Variants in RAET1E observed in about 807,000 individuals in gnomAD.
The protein encoded by RAET1E is retinoic acid early transcript 1E.
Under a neutral mutation model 21.1 loss-of-function variants are expected in RAET1E, and 27 were observed. The ratio of observed to expected loss-of-function variants is 1.28; its 90% confidence interval spans 0.94 to 1.76. The LOEUF (loss-of-function observed/expected upper bound fraction) is 1.76. RAET1E is among the 40% of genes most tolerant of loss of function. The pLI, the probability that RAET1E is intolerant of heterozygous loss-of-function variation, is 0.00. For synonymous variants in RAET1E, 113 were observed against 115.0 expected (o/e 0.98, Z 0.11); for missense variants, 310 against 311.3 (o/e 1.00, Z 0.03).
rs1777581501 is a variant in RAET1E at position 149,885,775 on chromosome 6, T to A, written c.*2723A>T. On this transcript the variant is annotated 3_prime_UTR_variant, in exon 6 of 6. Transcript: ENST00000357183. ...AGCTCCATACCCAGGAGATGACCCTTACCTCCGCTGCCACTCAAGTCCTCA... is the reference window on the plus strand; with the variant it reads ...AGCTCCATACCCAGGAGATGACCCTAACCTCCGCTGCCACTCAAGTCCTCA... The A allele has an allele frequency of 6.6e-6, 1 of 152,358 alleles. No individual in the cohort carries two copies. Among genetic ancestry groups the A allele is most frequent in the Middle Eastern group, 3.4e-3 (1 of 294 alleles). The allele number at this position is 152,358 out of a possible 1,614,324, so 9.4% of individuals were successfully genotyped here.
At position 149,888,670 on chromosome 6, in the gene RAET1E, A is replaced by C. The variant is rs772038758; in HGVS notation, c.623-3T>G. ...ATCTGAAGCATTTACTGGTGACACTAAAAAAAAAAAAAAAAAGAAAAAAAA... is the reference window on the plus strand; with the variant it reads ...ATCTGAAGCATTTACTGGTGACACTCAAAAAAAAAAAAAAAAGAAAAAAAA... On this transcript the variant is annotated splice_region_variant and splice_polypyrimidine_tract_variant and intron_variant, in intron 5 of 5. Coordinates refer to ENST00000357183, the MANE Select transcript of RAET1E (RefSeq NM_001394057.1). 71 of 290,544 alleles carry C rather than the reference A, an allele frequency of 2.4e-4. No homozygotes were observed. The highest frequency in any genetic ancestry group is 2.0e-3 in the Middle Eastern group (2 of 978). The allele number at this position is 290,544 out of a possible 1,614,324, so 18.0% of individuals were successfully genotyped here.
chr6:149,897,855 G>A (rs1356716262), intron 1 of RAET1E, among the ~76,000 whole-genome samples, 166 bp downstream of exon 1: 1 of 151,834 alleles, frequency 6.6e-6, no homozygotes, highest in Non-Finnish European at 1.5e-5. Flanking sequence ...CTTATCCAGC[G>A]TCCCCGCCGC....
rs1187180227 is a variant in RAET1E at position 149,888,263 on chromosome 6, C to T, written c.*235G>A. 2.6e-5 allele frequency: 18 copies of T among 705,770 alleles called. No individual in the cohort carries two copies. Among genetic ancestry groups the T allele is most frequent in the Non-Finnish European group, 4.4e-5 (17 of 389,012 alleles). The allele number at this position is 705,770 out of a possible 1,614,324, so 43.7% of individuals were successfully genotyped here. A position where few individuals can be genotyped will look rare whatever the true frequency, so the allele number is the denominator to read the frequency against. Reference sequence around the variant, plus strand: ...GTCAAAGAGCTGGATGAAACCTGGGCCGGATGGCAAGGAGACAACACCCCA... The same window carrying T: ...GTCAAAGAGCTGGATGAAACCTGGGTCGGATGGCAAGGAGACAACACCCCA... On this transcript the variant is annotated 3_prime_UTR_variant, in exon 6 of 6. Coordinates refer to ENST00000357183, the MANE Select transcript of RAET1E (RefSeq NM_001394057.1).
In RAET1E at chr6:149,884,646, A is replaced by G. The variant is rs954181302; in HGVS notation, c.*3852T>C. 1.4e-6 allele frequency: 1 copy of G among 717,272 alleles called. No homozygotes were observed. The highest frequency in any genetic ancestry group is 2.1e-5 in the Admixed American group (1 of 46,648). 44.4% of individuals were successfully genotyped at this position (717,272 alleles called of 1,614,324 possible). ...ATTGTTCACATTCTGCCTCTCTGTC[A>G]TCTAGTTTATGATTGTTCACTTTCC... On this transcript the variant is annotated 3_prime_UTR_variant, in exon 6 of 6. Coordinates refer to ENST00000357183, the MANE Select transcript of RAET1E (RefSeq NM_001394057.1).
chr6:149,897,254 C>T (rs1183232823), intron 1 of RAET1E, among the ~76,000 whole-genome samples: 1 of 151,960 alleles, frequency 6.6e-6, no homozygotes, highest in Non-Finnish European at 1.5e-5. Flanking sequence ...AGGCTGATCT[C>T]GAACTCCTGG....
rs988632237 is a variant in RAET1E at position 149,887,756 on chromosome 6, T to C, written c.*742A>G. On this transcript the variant is annotated 3_prime_UTR_variant, in exon 6 of 6. Transcript: ENST00000357183. ...ACTTAACTTTTCCAAATTGCTGTAC[T>C]TGAAAATGTTGAGGTCTGCCTGGGT... 1.3e-5 allele frequency among the ~76,000 whole-genome samples: 2 copies of C among 152,116 alleles called. No homozygotes were observed. The highest frequency in any genetic ancestry group is 2.9e-5 in the Non-Finnish European group (2 of 68,014).
chr6:149,893,424 G>A (rs1005623193), intron 2 of RAET1E, among the ~76,000 whole-genome samples: 1 of 152,108 alleles, frequency 6.6e-6, no homozygotes, highest in African/African-American at 2.4e-5. Flanking sequence ...TACATCCCTT[G>A]TAAGTTGTAT....
chr6:149,889,569 G>C lies in RAET1E; in HGVS notation c.401C>G (p.Thr134Ser), dbSNP rs1167059528. The change falls in exon 5 of 6, where the codon ACT becomes AGT. Residue 134 changes from threonine to serine, a missense_variant. Thr to Ser is a moderately conservative substitution (Grantham distance 58, BLOSUM62 1). Coordinates refer to ENST00000357183, the MANE Select transcript of RAET1E (RefSeq NM_001394057.1). ...MFCQREAERC[T>S]GASWQFATNG... ...GGTGGCGAACTGCCAGGATGCACCAGTGCACCGTTCTGCTTCACGTTGACA... is the reference window on the plus strand; with the variant it reads ...GGTGGCGAACTGCCAGGATGCACCACTGCACCGTTCTGCTTCACGTTGACA... 1.2e-5 allele frequency: 20 copies of C among 1,614,100 alleles called. No homozygotes were observed. Among genetic ancestry groups the C allele is most frequent in the Non-Finnish European group, 1.6e-5 (19 of 1,180,056 alleles).
rs1248352550 is a variant in RAET1E at position 149,887,513 on chromosome 6, G to T, written c.*985C>A. 6.6e-6 allele frequency among the ~76,000 whole-genome samples: 1 copy of T among 152,182 alleles called. No individual in the cohort carries two copies. The highest frequency in any genetic ancestry group is 1.5e-5 in the Non-Finnish European group (1 of 68,036). ...CAAGCCTGTTGTGACACCGATCTTG[G>T]CAAACTCACTTTTCATGTCAGGGCC... On this transcript the variant is annotated 3_prime_UTR_variant, in exon 6 of 6. Coordinates refer to ENST00000357183, the MANE Select transcript of RAET1E (RefSeq NM_001394057.1).
Position 149,888,279 on chromosome 6 carries a change from C to A in RAET1E, c.*219G>T, listed in dbSNP as rs1449240977. ...AAACCTGGGCCGGATGGCAAGGAGA[C>A]AACACCCCAGGCAGGCGTTCCAGAT... On this transcript the variant is annotated 3_prime_UTR_variant, in exon 6 of 6. Transcript: ENST00000357183. 4 of 719,472 alleles carry A rather than the reference C, an allele frequency of 5.6e-6. No homozygotes were observed. The highest frequency in any genetic ancestry group is 2.0e-5 in the Admixed American group (1 of 50,182). The allele number at this position is 719,472 out of a possible 1,614,324, so 44.6% of individuals were successfully genotyped here.
rs1352118931 is a variant in RAET1E at position 149,886,930 on chromosome 6, T to G, written c.*1568A>C. Among the ~76,000 whole-genome samples the G allele has an allele frequency of 6.6e-6, 1 of 152,158 alleles. No individual in the cohort carries two copies. The highest frequency in any genetic ancestry group is 1.9e-4 in the East Asian group (1 of 5,180). On this transcript the variant is annotated 3_prime_UTR_variant, in exon 6 of 6. Transcript: ENST00000357183. Reference sequence around the variant, plus strand: ...GCTGCTCTTCCCCGTGACAGAGAAATCCATGCGACACAGTGGGGAGGCCCT... The same window carrying G: ...GCTGCTCTTCCCCGTGACAGAGAAAGCCATGCGACACAGTGGGGAGGCCCT...
chr6:149,897,625 C>T (rs76378939), intron 1 of RAET1E, among the ~76,000 whole-genome samples: 1,815 of 152,202 alleles, frequency 0.012, 35 homozygotes, highest in African/African-American at 0.04. Flanking sequence ...CCCGGCAGAG[C>T]GAGGCTGTGG....
chr6:149,891,535 A>G (rs1350589247), intron 2 of RAET1E, among the ~76,000 whole-genome samples: 1 of 151,092 alleles, frequency 6.6e-6, no homozygotes, highest in Non-Finnish European at 1.5e-5. Context: ...GAGTCACTCA[A>G]TAAACACAGA....
At chr6:149,896,204 G>C (rs938737312) in intron 1 of RAET1E, 172 bp from the exon 2 acceptor site, 13 of 152,222 alleles carry the variant, frequency 8.5e-5, no homozygotes, top group African/African-American at 3.1e-4. Flanking sequence ...GACATCCTGT[G>C]ACTCAGATGC....
chr6:149,895,790 A>G (rs1013158802), intron 2 of RAET1E, 56 bp downstream of exon 2: 2 of 152,362 alleles, frequency 1.3e-5, no homozygotes, highest in South Asian at 2.1e-4. Flanking sequence ...TAGCCAGTTC[A>G]GGCTGCTACA....
Position 149,888,449 on chromosome 6 carries a change from G to C in RAET1E, c.*49C>G. 6.3e-7 allele frequency: 1 copy of C among 1,593,226 alleles called. No homozygotes were observed. The highest frequency in any genetic ancestry group is 1.3e-5 in the African/African-American group (1 of 74,138). On this transcript the variant is annotated 3_prime_UTR_variant, in exon 6 of 6. Transcript: ENST00000357183. ...TGTGGAGAGAGATGGATCAGGGAGC[G>C]GGGGCTTGGATGAGACCCATGATTC...
intron 2 of RAET1E, among the ~76,000 whole-genome samples, chr6:149,893,755 A>G (rs1326137311): frequency 6.6e-6 from 1 of 152,192 alleles, no homozygotes; most frequent in African/African-American, 2.4e-5. Flanking sequence ...AGGAGTGGTG[A>G]GAGAGGGCAT....
At chr6:149,895,102 A>G (rs1778062460) in intron 2 of RAET1E, among the ~76,000 whole-genome samples, 1 of 152,190 alleles carries the variant, frequency 6.6e-6, no homozygotes, top group Non-Finnish European at 1.5e-5. Context: ...CAGAGCAGCT[A>G]AGATTGCTGC....
At position 149,891,014 on chromosome 6, in the gene RAET1E, C is replaced by T. The variant is rs9371539; in HGVS notation, c.-113G>A. 0.16 allele frequency: 116,938 copies of T among 735,298 alleles called. 13,383 individuals are homozygous for T. The highest frequency in any genetic ancestry group is 0.56 in the East Asian group (20,544 of 36,814). The allele number at this position is 735,298 out of a possible 1,614,324, so 45.5% of individuals were successfully genotyped here. A position where few individuals can be genotyped will look rare whatever the true frequency, so the allele number is the denominator to read the frequency against. ...GTGGGCACTGCCCAAATTCTTTACCCTGGAACAACTGAGGTCAGGCCTGTA... is the reference window on the plus strand; with the variant it reads ...GTGGGCACTGCCCAAATTCTTTACCTTGGAACAACTGAGGTCAGGCCTGTA... On this transcript the variant is annotated 5_prime_UTR_variant, in exon 3 of 6. Transcript: ENST00000357183.
Sources: gnomAD v4.1 joint callset for allele counts (sites outside exome capture counted in the v4.1 genomes callset) on GRCh38, gnomAD v4.1.1 for gene constraint, MANE v1.5 for transcripts, NCBI Gene and HGNC (gene_info 2026-07-23, HGNC 2026-07-21) for gene names.